Variants in SAMM50 observed in about 807,000 individuals in gnomAD.
SAMM50 encodes sorting and assembly machinery component 50 homolog.
SAMM50 carries 47 observed loss-of-function variants against 66.9 expected under a neutral mutation model. That is an observed-to-expected ratio of 0.70 (90% CI 0.56 to 0.90). The LOEUF is 0.90. SAMM50 is among the 40% of genes least tolerant of loss of function. The pLI is 0.00. For synonymous variants in SAMM50, 191 were observed against 214.1 expected (o/e 0.89, Z 0.94); for missense variants, 535 against 595.3 (o/e 0.90, Z 1.05).
chr22:43,989,254 T>G lies in SAMM50; in HGVS notation c.1219T>G (p.Tyr407Asp), dbSNP rs771869848. Residue 407 changes from tyrosine to aspartate, a missense_variant, in exon 13 of 15, where the codon TAT becomes GAT. Physicochemically the swap from Tyr to Asp is radical, Grantham distance 160. Coordinates refer to ENST00000350028, the MANE Select transcript of SAMM50 (RefSeq NM_015380.5). ...CGCAGGAAACCTCTGCAACCTCAACTATGGTAAAACTTGCGCTATTCAAGA... is the reference window on the plus strand; with the variant it reads ...CGCAGGAAACCTCTGCAACCTCAACGATGGTAAAACTTGCGCTATTCAAGA... ...LNAGNLCNLN[Y>D]GEGPKAHIRK... 2 of 1,613,920 alleles carry G rather than the reference T, an allele frequency of 1.2e-6. No individual in the cohort carries two copies. Among genetic ancestry groups the G allele is most frequent in the Non-Finnish European group, 1.7e-6 (2 of 1,179,998 alleles).
At chr22:43,978,455 T>TAAAAA (rs2050245748) in intron 10 of SAMM50, among the ~76,000 whole-genome samples, 1 of 70,448 alleles carries the variant, frequency 1.4e-5, no homozygotes. Context: ...AAAAAAAAAG[T>TAAAAA]AACCTCTGCT....
At chr22:43,965,949 C>T (rs1482026975) in intron 3 of SAMM50, among the ~76,000 whole-genome samples, 1 of 152,100 alleles carries the variant, frequency 6.6e-6, no homozygotes, top group Non-Finnish European at 1.5e-5. Context: ...AGCAATCCTC[C>T]CACCTCAGCC....
At chr22:43,961,026 C>T (rs2050144876) in intron 1 of SAMM50, among the ~76,000 whole-genome samples, 3 of 152,154 alleles carry the variant, frequency 2.0e-5, no homozygotes, top group African/African-American at 7.2e-5. Context: ...GATGGATGCT[C>T]TTCCTTTAGG....
chr22:43,974,371 G>C (rs2050220353), intron 7 of SAMM50, among the ~76,000 whole-genome samples: 1 of 152,208 alleles, frequency 6.6e-6, no homozygotes, highest in Non-Finnish European at 1.5e-5. Flanking sequence ...GTGAAATGAA[G>C]GACAGGAGCG....
At chr22:43,973,938 C>T (rs1299676460) in intron 7 of SAMM50, among the ~76,000 whole-genome samples, 1 of 152,070 alleles carries the variant, frequency 6.6e-6, no homozygotes, top group Non-Finnish European at 1.5e-5. Flanking sequence ...TTGGTTCACA[C>T]CTAAGTTTAC....
intron 12 of SAMM50, among the ~76,000 whole-genome samples, chr22:43,984,969 C>T (rs1220480176): frequency 6.6e-6 from 1 of 151,926 alleles, no homozygotes; most frequent in Non-Finnish European, 1.5e-5. Context: ...TCATCACCTC[C>T]CATAAAAATG....
chr22:43,978,193 C>T (rs963242479), intron 10 of SAMM50, among the ~76,000 whole-genome samples: 5 of 151,974 alleles, frequency 3.3e-5, no homozygotes, highest in African/African-American at 1.2e-4. Context: ...CCTGTAATCC[C>T]AGCACTTTGG....
intron 10 of SAMM50, among the ~76,000 whole-genome samples, chr22:43,978,543 A>G (rs1024991704): frequency 2.7e-5 from 4 of 150,764 alleles, no homozygotes; most frequent in African/African-American, 7.3e-5. Flanking sequence ...TGGCTGGAGG[A>G]CAGAGGGGTG....
chr22:43,981,200 T>A (rs1339851680), intron 10 of SAMM50, among the ~76,000 whole-genome samples, 191 bp from the exon 11 acceptor site: 1 of 152,242 alleles, frequency 6.6e-6, no homozygotes, highest in Non-Finnish European at 1.5e-5. Context: ...CGTGTTTTAA[T>A]AGAATCCACG....
chr22:43,970,652 TAGTA>T (rs2050198593), intron 4 of SAMM50, among the ~76,000 whole-genome samples: 1 of 152,120 alleles, frequency 6.6e-6, no homozygotes, highest in South Asian at 2.1e-4. Context: ...TGCGAGGTGT[TAGTA>T]AGTGTGTGTC....
At chr22:43,978,720 G>C (rs1224818641) in intron 10 of SAMM50, among the ~76,000 whole-genome samples, 1 of 151,824 alleles carries the variant, frequency 6.6e-6, no homozygotes, top group Non-Finnish European at 1.5e-5. Flanking sequence ...ACTGGATTCT[G>C]GTCTCGCCAG....
intron 1 of SAMM50, among the ~76,000 whole-genome samples, chr22:43,962,439 C>T (rs2050151510): frequency 6.6e-6 from 1 of 152,064 alleles, no homozygotes; most frequent in African/African-American, 2.4e-5. Flanking sequence ...CAATGTCTTC[C>T]TGGAAATATT....
rs1369774723 is a variant in SAMM50, at chr22:43,973,216, T to C, written c.561-20T>C. On this transcript the variant is annotated intron_variant, in intron 6 of 14. Transcript: ENST00000350028. ...TAATCACTGTTTCAGCTTTTAAAGCTCTATCCCATTGTCTCCTAGTTTCTC... is the reference window on the plus strand; with the variant it reads ...TAATCACTGTTTCAGCTTTTAAAGCCCTATCCCATTGTCTCCTAGTTTCTC... 6.7e-7 allele frequency: 1 copy of C among 1,494,898 alleles called. No individual in the cohort carries two copies. The highest frequency in any genetic ancestry group is 9.3e-7 in the Non-Finnish European group (1 of 1,072,096). 92.6% of individuals were successfully genotyped at this position (1,494,898 alleles called of 1,614,324 possible). A position where few individuals can be genotyped will look rare whatever the true frequency, so the allele number is the denominator to read the frequency against.
chr22:43,961,266 G>A (rs1376064748), intron 1 of SAMM50, among the ~76,000 whole-genome samples: 3 of 152,102 alleles, frequency 2.0e-5, no homozygotes, highest in Non-Finnish European at 4.4e-5. Flanking sequence ...TTGCTGATTT[G>A]TAAGAATCGC....
At chr22:43,988,069 T>A (rs1431919080) in intron 12 of SAMM50, 3 of 152,238 alleles carry the variant, frequency 2.0e-5, no homozygotes, top group Admixed American at 6.5e-5. Context: ...CATTTTTTTC[T>A]CTTTATGTTG....
At chr22:43,956,979 C>G in intron 1 of SAMM50, 1 of 651,048 alleles carries the variant, frequency 1.5e-6, no homozygotes, top group Non-Finnish European at 2.7e-6. Flanking sequence ...TTCCTGCCAT[C>G]TTGGCTCCTG....
chr22:43,993,680 C>T (rs1297609305), intron 14 of SAMM50, among the ~76,000 whole-genome samples: 1 of 152,140 alleles, frequency 6.6e-6, no homozygotes, highest in East Asian at 1.9e-4. Context: ...CATTTTCGCT[C>T]AGTGTGAGGC....
At chr22:43,976,912 G>C in intron 9 of SAMM50, 91 bp downstream of exon 9, 1 of 752,704 alleles carries the variant, frequency 1.3e-6, no homozygotes, top group South Asian at 1.6e-5. Flanking sequence ...TGGGCCTGGG[G>C]GTGGGCAGTC....
chr22:43,957,186 AGT>A, intron 1 of SAMM50: 1 of 706,202 alleles, frequency 1.4e-6, no homozygotes, highest in Non-Finnish European at 2.6e-6. Context: ...AGAACAACAT[AGT>A]GACTCCTGGC....
Sources: gnomAD v4.1 joint callset for allele counts (sites outside exome capture counted in the v4.1 genomes callset) on GRCh38, gnomAD v4.1.1 for gene constraint, MANE v1.5 for transcripts, NCBI Gene and HGNC (gene_info 2026-07-23, HGNC 2026-07-21) for gene names.